Variants in LHX4 observed in about 807,000 individuals in gnomAD.
LHX4 encodes the protein LIM homeobox 4.
A neutral mutation model predicts 39.2 loss-of-function variants in LHX4; 16 were observed. The observed-to-expected ratio is 0.41, with a 90% CI of 0.28 to 0.62. LHX4 has a LOEUF of 0.62. Among genes scored for constraint, LHX4 ranks in the 20% least tolerant of loss-of-function variants. LHX4 has a pLI of 0.33. For missense variants in LHX4, 439 were observed against 511.9 expected (o/e 0.86, Z 1.37); for synonymous variants, 206 against 198.1 (o/e 1.04, Z -0.33).
At chr1:180,271,803 C>T (rs1377002947) in intron 4 of LHX4, 32 bp from the exon 5 acceptor site, 12 of 1,613,000 alleles carry the variant, frequency 7.4e-6, no homozygotes, top group Admixed American at 6.7e-5. Flanking sequence ...GGTGGACGCC[C>T]CCTGAGTATG....
chr1:180,248,907 C>T (rs1420055682), intron 2 of LHX4, among the ~76,000 whole-genome samples: 1 of 152,238 alleles, frequency 6.6e-6, no homozygotes, highest in Non-Finnish European at 1.5e-5. Flanking sequence ...ACTGTGTTTG[C>T]ACAGCCTGCT....
intron 2 of LHX4, among the ~76,000 whole-genome samples, chr1:180,262,330 T>A (rs1425670956): frequency 1.3e-5 from 2 of 149,480 alleles, no homozygotes; most frequent in Non-Finnish European, 3.0e-5. Context: ...CCAAGGAGCC[T>A]GGCATTCCTG....
rs1312118192 is a variant in LHX4, at chr1:180,234,694, G to A, written c.76+4089G>A. Among the ~76,000 whole-genome samples, 1 of 152,278 alleles carries A rather than the reference G, an allele frequency of 6.6e-6. No individual in the cohort carries two copies. The highest frequency in any genetic ancestry group is 1.5e-5 in the Non-Finnish European group (1 of 68,048). ...CAGGTGAGGGGCAAAGGTCTGCATT[G>A]AGCAGTCCGCAGTGTCCCGGGAAGT... On this transcript the variant is annotated intron_variant, in intron 1 of 5. Transcript: ENST00000263726. The surrounding 1 kb of genome is among the most constrained non-coding windows in gnomAD (Gnocchi z 4.8).
chr1:180,273,180 T>C (rs972871971), intron 5 of LHX4: 10 of 152,326 alleles, frequency 6.6e-5, no homozygotes, highest in African/African-American at 2.2e-4. Flanking sequence ...AAAAGGAAGT[T>C]TGTGGGACAG....
At chr1:180,243,354 C>G (rs1462847375) in intron 1 of LHX4, among the ~76,000 whole-genome samples, 1 of 151,996 alleles carries the variant, frequency 6.6e-6, no homozygotes, top group African/African-American at 2.4e-5. Flanking sequence ...GGTAGTCTTC[C>G]TCGACGCCTC....
chr1:180,231,228 C>T (rs1248464336), intron 1 of LHX4, among the ~76,000 whole-genome samples: 2 of 151,872 alleles, frequency 1.3e-5, no homozygotes, highest in Non-Finnish European at 2.9e-5. Flanking sequence ...CCTAGGAATG[C>T]AGGGGAGGGA....
Position 180,266,516 on chromosome 1 carries a change from G to C in LHX4, c.373G>C (p.Ala125Pro). The change falls in exon 3 of 6, where the codon GCC (alanine) becomes CCC (proline). Residue 125 changes from alanine to proline, a missense_variant. Coordinates refer to ENST00000263726, the MANE Select transcript of LHX4 (RefSeq NM_033343.4). This position sits in a 1 kb window ranked among gnomAD's most constrained non-coding sequence, Gnocchi z 5.7. ...TTGCATCATCTGCAACCGGCAGCTG[G>C]CCACGGGGGACGAATTCTACCTCAT... Reference protein sequence around the residue: ...FACIICNRQLATGDEFYLMED... With the variant: ...FACIICNRQLPTGDEFYLMED... 1 of 1,614,250 alleles carries C rather than the reference G, an allele frequency of 6.2e-7. No homozygotes were observed. Among genetic ancestry groups the C allele is most frequent in the Non-Finnish European group, 8.5e-7 (1 of 1,180,040 alleles).
chr1:180,237,218 G>A (rs997204878), intron 1 of LHX4, among the ~76,000 whole-genome samples: 1 of 152,060 alleles, frequency 6.6e-6, no homozygotes, highest in South Asian at 2.1e-4. Flanking sequence ...ACTCGGCGGG[G>A]GGGGCGGGGA....
In LHX4 at chr1:180,274,863, T is replaced by C. The variant is rs1259237706; in HGVS notation, c.*284T>C. Reference sequence around the variant, plus strand: ...TGGGTCTCTCCCCTGCTGTTCTGCTTAGGGGCTTGGCTGCTCAGTGCTTTG... The same window carrying C: ...TGGGTCTCTCCCCTGCTGTTCTGCTCAGGGGCTTGGCTGCTCAGTGCTTTG... On this transcript the variant is annotated 3_prime_UTR_variant, in exon 6 of 6. Transcript: ENST00000263726. The C allele has an allele frequency of 1.2e-5, 4 of 337,920 alleles. No homozygotes were observed. Among genetic ancestry groups the C allele is most frequent in the Non-Finnish European group, 2.2e-5 (4 of 184,880 alleles). 20.9% of individuals were successfully genotyped at this position (337,920 alleles called of 1,614,324 possible). A position where few individuals can be genotyped will look rare whatever the true frequency, so the allele number is the denominator to read the frequency against.
chr1:180,248,188 C>T (rs2149256374), intron 1 of LHX4, 97 bp from the exon 2 acceptor site: 1 of 1,163,656 alleles, frequency 8.6e-7, no homozygotes, highest in Non-Finnish European at 1.3e-6. Flanking sequence ...TGTCTGTTTC[C>T]ACCATCAGCA....
chr1:180,230,264 A>G lies in LHX4; in HGVS notation c.-266A>G. ...CGGGGGAGGGAAGAGGAAAAAAGCCAGAGCTGCAGCAACAGCGTCTCAACC... is the reference window on the plus strand; with the variant it reads ...CGGGGGAGGGAAGAGGAAAAAAGCCGGAGCTGCAGCAACAGCGTCTCAACC... On this transcript the variant is annotated 5_prime_UTR_variant, in exon 1 of 6. Transcript: ENST00000263726. This position sits in a 1 kb window ranked among gnomAD's most constrained non-coding sequence, Gnocchi z 5.8. 1.8e-6 allele frequency: 1 copy of G among 541,782 alleles called. No homozygotes were observed. 33.6% of individuals were successfully genotyped at this position (541,782 alleles called of 1,614,324 possible).
chr1:180,269,138 TG>T (rs1018819788), intron 3 of LHX4, among the ~76,000 whole-genome samples: 1 of 12,632 alleles, frequency 7.9e-5, no homozygotes, highest in Admixed American at 7.3e-4. Flanking sequence ...ATGTAGAGTG[TG>T]TGGGGGGGGG....
At chr1:180,235,951 A>C (rs1405654477) in intron 1 of LHX4, among the ~76,000 whole-genome samples, 1 of 152,202 alleles carries the variant, frequency 6.6e-6, no homozygotes, top group African/African-American at 2.4e-5. Context: ...CTAATGAAAA[A>C]GGAAATGAAT....
chr1:180,248,209 G>C, intron 1 of LHX4, 76 bp from the exon 2 acceptor site: 2 of 1,466,388 alleles, frequency 1.4e-6, no homozygotes, highest in Admixed American at 3.6e-5. Flanking sequence ...GAGTGGGAAG[G>C]CACCCGCCAG....
chr1:180,240,590 A>G (rs983857528), intron 1 of LHX4, among the ~76,000 whole-genome samples: 1 of 152,190 alleles, frequency 6.6e-6, no homozygotes, highest in African/African-American at 2.4e-5. Context: ...AAATCGATCA[A>G]ACAAACACAA....
Position 180,271,933 on chromosome 1 carries a change from G to C in LHX4, c.705G>C (p.Arg235=). 1 of 1,613,392 alleles carries C rather than the reference G, an allele frequency of 6.2e-7. No individual in the cohort carries two copies. ...GQFYKSVKRS[R]GSSKQEKESS... The stretch of plus-strand genomic sequence containing the variant: ...TCTATAAGAGCGTCAAGAGGAGCCG[G>C]GGCAGCAGCAAGCAGGAGAAGGAGA... The change falls in exon 5 of 6, where the codon CGG becomes CGC. Residue 235 remains arginine (R), a synonymous_variant. Coordinates refer to ENST00000263726, the MANE Select transcript of LHX4 (RefSeq NM_033343.4).
Position 180,277,866 on chromosome 1 carries a change from T to TA in LHX4, c.*3290dup, listed in dbSNP as rs1378042331. On this transcript the variant is annotated 3_prime_UTR_variant, in exon 6 of 6. Transcript: ENST00000263726. ...CAAGAAAACCATTTGGCAGTGTCCT[T>TA]AAACTTTTTTTGGGGGGGGGCAGTG... is the stretch of plus-strand genomic sequence containing the variant. 1.5e-5 allele frequency: 1 copy of TA among 67,544 alleles called. No homozygotes were observed. Among genetic ancestry groups the TA allele is most frequent in the African/African-American group, 3.6e-5 (1 of 27,868 alleles). 4.2% of individuals were successfully genotyped at this position (67,544 alleles called of 1,614,324 possible). A position where few individuals can be genotyped will look rare whatever the true frequency, so the allele number is the denominator to read the frequency against.
In LHX4 at chr1:180,230,853, C is replaced by T. The variant is rs545707164; in HGVS notation, c.76+248C>T. Among the ~76,000 whole-genome samples the T allele has an allele frequency of 6.6e-6, 1 of 152,352 alleles. No individual in the cohort carries two copies. Among genetic ancestry groups the T allele is most frequent in the Admixed American group, 6.5e-5 (1 of 15,310 alleles). On this transcript the variant is annotated intron_variant, in intron 1 of 5. Transcript: ENST00000263726. This position sits in a 1 kb window ranked among gnomAD's most constrained non-coding sequence, Gnocchi z 5.8. ...AGCCGAGTACCGAACCCCGCATCTC[C>T]AGCCCAAGGCTTTTCTTGGAACGCT...
intron 2 of LHX4, among the ~76,000 whole-genome samples, chr1:180,257,801 G>A (rs1365302978): frequency 1.3e-5 from 2 of 152,222 alleles, no homozygotes; most frequent in African/African-American, 4.8e-5. Context: ...ACGCACAGGA[G>A]GCTGACATGG....
Sources: allele counts gnomAD v4.1 joint callset (sites outside exome capture counted in the v4.1 genomes callset), GRCh38; gene constraint gnomAD v4.1.1; non-coding constraint Gnocchi (gnomAD v3.1); transcripts MANE v1.5; gene names NCBI Gene and HGNC (gene_info 2026-07-23, HGNC 2026-07-21).